Variants in UTRN observed in about 807,000 individuals in gnomAD.
The protein encoded by UTRN is dystrophin-related protein 1.
In UTRN, 283 loss-of-function variants were observed where a neutral mutation model predicts 463.9. The observed-to-expected ratio is 0.61, with a 90% CI of 0.55 to 0.67. The LOEUF is 0.67. UTRN is among the 30% of genes least tolerant of loss of function. UTRN has a pLI of 0.00. For synonymous variants in UTRN, 1,442 were observed against 1,431.5 expected, an observed-to-expected ratio of 1.01 and a Z score of -0.17; for missense variants, 3,922 against 4,084.3, an observed-to-expected ratio of 0.96 and a Z score of 1.08.
chr6:144,493,219 G>A, intron 32 of UTRN, 82 bp from the exon 33 acceptor site: 1 of 1,403,464 alleles, frequency 7.1e-7, no homozygotes, highest in Non-Finnish European at 9.9e-7. Flanking sequence ...GTCAATCTGT[G>A]TAAGCTGTGG....
intron 21 of UTRN, 52 bp downstream of exon 21, chr6:144,459,406 A>G (rs1192615026): frequency 2.6e-6 from 4 of 1,520,036 alleles, no homozygotes; most frequent in African/African-American, 1.4e-5. Flanking sequence ...TAATGTAAAC[A>G]TGACTCCCAA....
chr6:144,398,943 G>A (rs1026164516), intron 2 of UTRN, among the ~76,000 whole-genome samples: 1 of 151,894 alleles, frequency 6.6e-6, no homozygotes, highest in Non-Finnish European at 1.5e-5. Flanking sequence ...CTTTAATAAC[G>A]TCAAGGTTTA....
At chr6:144,305,991 TA>T (rs963023700) in intron 2 of UTRN, among the ~76,000 whole-genome samples, 1 of 152,174 alleles carries the variant, frequency 6.6e-6, no homozygotes. Context: ...ACATATTAAA[TA>T]AAAAAAGCTT....
rs754901480 is a variant in UTRN at position 144,839,257 on chromosome 6, G to A, written c.10150G>A (p.Ala3384Thr). 61 of 1,613,710 alleles carry A rather than the reference G, an allele frequency of 3.8e-5. No individual in the cohort carries two copies. The highest frequency in any genetic ancestry group is 4.6e-5 in the Non-Finnish European group (54 of 1,179,962). ...SALSYSLDPD[A>T]SGPQFHQAAG... is the part of the protein sequence containing the mutation. ...ACTGAGCTACTCGCTTGATCCAGAT[G>A]CCTCCGGCCCACAGTTCCACCAGGC... Residue 3384 changes from alanine to threonine, a missense_variant, in exon 72 of 75, where the codon GCC becomes ACC. By Grantham distance (58) the Ala-to-Thr change is moderately conservative. Transcript: ENST00000367545.
At chr6:144,792,779 C>T (rs1776872830) in intron 62 of UTRN, among the ~76,000 whole-genome samples, 1 of 152,060 alleles carries the variant, frequency 6.6e-6, no homozygotes. Context: ...GAAATTTCTT[C>T]CTCTTCCAAA....
intron 2 of UTRN, among the ~76,000 whole-genome samples, chr6:144,298,783 G>A (rs1804977869): frequency 6.6e-6 from 1 of 152,084 alleles, no homozygotes; most frequent in African/African-American, 2.4e-5. Flanking sequence ...GCATATAAGG[G>A]CATTTCTGAT....
At chr6:144,678,842 C>A (rs758219692) in intron 52 of UTRN, among the ~76,000 whole-genome samples, 5 of 152,158 alleles carry the variant, frequency 3.3e-5, no homozygotes, top group Non-Finnish European at 5.9e-5. Flanking sequence ...ATACTGTTAG[C>A]AACATCTGCT....
At chr6:144,796,422 A>G (rs1777218691) in intron 63 of UTRN, among the ~76,000 whole-genome samples, 1 of 152,230 alleles carries the variant, frequency 6.6e-6, no homozygotes, top group South Asian at 2.1e-4. Flanking sequence ...TGCCTTGAAC[A>G]TCATAACTAC....
rs1793989073 is a variant in UTRN at position 144,499,566 on chromosome 6, C to G, written c.4764+139C>G. The G allele has an allele frequency of 9.3e-6, 5 of 538,462 alleles. No individual in the cohort carries two copies. In the South Asian group the frequency reaches 3.9e-4, roughly 42 times the overall value. The allele number at this position is 538,462 out of a possible 1,614,324, so 33.4% of individuals were successfully genotyped here. The stretch of plus-strand genomic sequence containing the variant: ...TTTTTTGCATTGTTTTTCCACTTCT[C>G]TGTCCTAAGAAAAAATATTTTAAAA... On this transcript the variant is annotated intron_variant, in intron 34 of 74. Transcript: ENST00000367545.
intron 48 of UTRN, 80 bp downstream of exon 48, chr6:144,551,162 C>T: frequency 1.2e-6 from 1 of 811,352 alleles, no homozygotes; most frequent in Non-Finnish European, 1.9e-6. Flanking sequence ...CACACACACA[C>T]ACACACAAAC....
intron 2 of UTRN, among the ~76,000 whole-genome samples, chr6:144,308,752 C>G (rs1258975068): frequency 6.6e-6 from 1 of 152,200 alleles, no homozygotes; most frequent in African/African-American, 2.4e-5. Context: ...CCTCCCTTCT[C>G]TCTTCTGCAT....
chr6:144,674,981 T>G (rs1176104361), intron 51 of UTRN, among the ~76,000 whole-genome samples: 1 of 152,248 alleles, frequency 6.6e-6, no homozygotes, highest in African/African-American at 2.4e-5. Flanking sequence ...TTGGATTGGA[T>G]CCATTGCTGG....
At chr6:144,619,852 G>T (rs1775160298) in intron 51 of UTRN, among the ~76,000 whole-genome samples, 1 of 152,138 alleles carries the variant, frequency 6.6e-6, no homozygotes, top group African/African-American at 2.4e-5. Flanking sequence ...TTGCAGTTGA[G>T]TTAGAAATAA....
At chr6:144,482,905 T>TC (rs1792045762) in intron 27 of UTRN, among the ~76,000 whole-genome samples, 1 of 152,240 alleles carries the variant, frequency 6.6e-6, no homozygotes, top group South Asian at 2.1e-4. Flanking sequence ...CTTTTTTTTT[T>TC]CTCCCTGGCC....
chr6:144,788,599 C>A (rs902253468), intron 61 of UTRN, among the ~76,000 whole-genome samples: 2 of 146,938 alleles, frequency 1.4e-5, no homozygotes, highest in African/African-American at 5.1e-5. Context: ...GAGTCTCGCT[C>A]TGTCACCCAG....
At chr6:144,307,693 ATTTCTGATAATGTTTGACCCAGTT>A (rs558156714) in intron 2 of UTRN, among the ~76,000 whole-genome samples, 204 of 152,290 alleles carry the variant, frequency 1.3e-3, no homozygotes, top group African/African-American at 4.8e-3. Flanking sequence ...GAAGGGCAAA[ATTTCTGATAATGTTTGACCCAGTT>A]TTGCATATAA....
intron 3 of UTRN, among the ~76,000 whole-genome samples, chr6:144,406,356 CTTTTTT>C (rs57721924): frequency 2.9e-4 from 37 of 125,556 alleles, no homozygotes; most frequent in Admixed American, 2.5e-3. Flanking sequence ...TTTTTCTTTT[CTTTTTT>C]TTTTTTTTTT....
intron 51 of UTRN, among the ~76,000 whole-genome samples, chr6:144,581,571 C>T (rs1356950429): frequency 2.6e-5 from 4 of 152,186 alleles, no homozygotes; most frequent in Non-Finnish European, 5.9e-5. Context: ...AGATTTTCTC[C>T]TGTGCCCAGC....
chr6:144,414,687 T>C (rs1415684844), intron 3 of UTRN, among the ~76,000 whole-genome samples: 2 of 151,426 alleles, frequency 1.3e-5, no homozygotes, highest in Non-Finnish European at 2.9e-5. Flanking sequence ...CCATTCATGT[T>C]AAGTGTCCTA....
Sources: allele counts gnomAD v4.1 joint callset (sites outside exome capture counted in the v4.1 genomes callset), GRCh38; gene constraint gnomAD v4.1.1; transcripts MANE v1.5; gene names NCBI Gene and HGNC (gene_info 2026-07-23, HGNC 2026-07-21).